Variants in TCERG1 observed in about 807,000 individuals in gnomAD.
TCERG1 encodes the protein transcription elongation regulator 1.
A neutral mutation model predicts 144.7 loss-of-function variants in TCERG1; 37 were observed. The observed-to-expected ratio is 0.26, with a 90% CI of 0.20 to 0.34. The LOEUF (loss-of-function observed/expected upper bound fraction) is 0.34. Among genes scored for constraint, TCERG1 ranks in the 10% least tolerant of loss-of-function variants. The pLI is 1.00. For missense variants in TCERG1, 1,027 were observed against 1,380.7 expected (o/e 0.74, Z 4.06); for synonymous variants, 492 against 458.2 (o/e 1.07, Z -0.94).
chr5:146,501,875 ACATCAACT>A (rs1252302023), intron 17 of TCERG1, among the ~76,000 whole-genome samples: 1 of 150,498 alleles, frequency 6.6e-6, no homozygotes, highest in Non-Finnish European at 1.5e-5. Flanking sequence ...TCCAGAAAGA[ACATCAACT>A]TCACTTTTTT....
chr5:146,451,418 G>A (rs1762331355), intron 1 of TCERG1, among the ~76,000 whole-genome samples: 2 of 151,052 alleles, frequency 1.3e-5, no homozygotes, highest in South Asian at 4.2e-4. Flanking sequence ...CACCTGTCAG[G>A]TTCCTCCTGT....
chr5:146,510,075 G>A, intron 22 of TCERG1: 1 of 1,293,820 alleles, frequency 7.7e-7, no homozygotes, highest in Non-Finnish European at 1.0e-6. Flanking sequence ...AGTTAATTTA[G>A]TGAAAGATGT....
intron 16 of TCERG1, among the ~76,000 whole-genome samples, chr5:146,497,409 C>T (rs6868300): frequency 0.52 from 79,758 of 151,986 alleles, 22,807 homozygotes; most frequent in Non-Finnish European, 0.63. Context: ...GCCCTCCTGA[C>T]GTGCTGGGAT....
At chr5:146,497,526 A>G (rs1456743404) in intron 16 of TCERG1, among the ~76,000 whole-genome samples, 2 of 152,050 alleles carry the variant, frequency 1.3e-5, no homozygotes, top group Non-Finnish European at 2.9e-5. Context: ...GACTTCAAAA[A>G]ATTTTTTCTA....
Position 146,469,630 on chromosome 5 carries a change from G to T in TCERG1, c.1285G>T (p.Ala429Ser), listed in dbSNP as rs1400165571. Reference sequence around the variant, plus strand: ...AGCTTCACCTGCTACCTTAGCTGGAGCAACAGCAGTTTCTGAATGGACTGA... The same window carrying T: ...AGCTTCACCTGCTACCTTAGCTGGATCAACAGCAGTTTCTGAATGGACTGA... ...IAASPATLAG[A>S]TAVSEWTEYK... Residue 429 changes from alanine to serine, a missense_variant, in exon 7 of 23, where the codon GCA becomes TCA. Physicochemically the swap from Ala to Ser is moderately conservative, Grantham distance 99 (BLOSUM62 1). Coordinates refer to ENST00000679501, the MANE Select transcript of TCERG1 (RefSeq NM_001382548.1). 6.2e-7 allele frequency: 1 copy of T among 1,613,492 alleles called. No individual in the cohort carries two copies. The highest frequency in any genetic ancestry group is 1.3e-5 in the African/African-American group (1 of 74,914).
At chr5:146,487,593 GGTGTGGT>G (rs765717248) in intron 15 of TCERG1, among the ~76,000 whole-genome samples, 22 of 152,120 alleles carry the variant, frequency 1.4e-4, no homozygotes, top group Non-Finnish European at 2.8e-4. Context: ...GAACTAGCCA[GGTGTGGT>G]GTCGTGCACC....
Position 146,463,570 on chromosome 5 carries a change from G to T in TCERG1, c.912G>T (p.Gln304His). The change falls in exon 5 of 23, where the codon CAG becomes CAT. Residue 304 changes from glutamine (Q) to histidine (H), a missense_variant. This residue lies in a region of TCERG1 where 187 missense variants were observed against 169.1 expected (regional missense o/e 1.11). Coordinates refer to ENST00000679501, the MANE Select transcript of TCERG1 (RefSeq NM_001382548.1). ...QTVSTPTTQD[Q>H]TPSSAVSVAT... is the part of the protein sequence containing the mutation. ...TATCAGCACCCACAACACAAGATCA[G>T]ACCCCAAGTTCTGCTGTTTCAGTTG... The T allele has an allele frequency of 1.2e-6, 2 of 1,614,166 alleles. No individual in the cohort carries two copies. Among genetic ancestry groups the T allele is most frequent in the South Asian group, 2.2e-5 (2 of 91,074 alleles).
rs774616410 is a variant in TCERG1, at chr5:146,447,405, T to C, written c.56T>C (p.Leu19Pro). 1 of 1,610,946 alleles carries C rather than the reference T, an allele frequency of 6.2e-7. No homozygotes were observed. Among genetic ancestry groups the C allele is most frequent in the Non-Finnish European group, 8.5e-7 (1 of 1,178,852 alleles). The change falls in exon 1 of 23, where the codon CTC (leucine) becomes CCC (proline). Residue 19 changes from leucine to proline, a missense_variant. Around this residue, in one of 6 missense-constraint regions of TCERG1, gnomAD observed 175 missense variants for 197.0 expected, o/e 0.89. Transcript: ENST00000679501. ...GESERFNPGE[L>P]RMAQQQALRF... The stretch of plus-strand genomic sequence containing the variant: ...AGTGAACGATTCAACCCGGGGGAGC[T>C]CAGGTAAGGAACGCTGCCCTCCTTC...
At chr5:146,495,000 A>G (rs996554002) in intron 16 of TCERG1, among the ~76,000 whole-genome samples, 2 of 152,192 alleles carry the variant, frequency 1.3e-5, no homozygotes, top group Non-Finnish European at 2.9e-5. Flanking sequence ...TCTAATGCTA[A>G]AAGTTCACTT....
At chr5:146,471,844 G>A (rs566255476) in intron 9 of TCERG1, among the ~76,000 whole-genome samples, 52 of 152,186 alleles carry the variant, frequency 3.4e-4, no homozygotes, top group African/African-American at 5.5e-4. Flanking sequence ...TGATCCGCCC[G>A]CCTCGGCCTC....
chr5:146,505,831 C>A (rs1027820764), intron 19 of TCERG1, among the ~76,000 whole-genome samples: 1 of 152,112 alleles, frequency 6.6e-6, no homozygotes, highest in African/African-American at 2.4e-5. Context: ...AGCTGGAGTG[C>A]AGTGGCATGA....
intron 17 of TCERG1, among the ~76,000 whole-genome samples, chr5:146,502,786 T>C (rs1767609090): frequency 6.6e-6 from 1 of 152,212 alleles, no homozygotes; most frequent in Non-Finnish European, 1.5e-5. Flanking sequence ...CTTTCTCACA[T>C]ATCAAGGTGT....
intron 15 of TCERG1, among the ~76,000 whole-genome samples, chr5:146,484,122 A>G (rs1765606481): frequency 6.6e-6 from 1 of 152,130 alleles, no homozygotes; most frequent in African/African-American, 2.4e-5. Context: ...TGTCCTGTAG[A>G]TAGTACTTGA....
At chr5:146,480,209 C>T in intron 12 of TCERG1, 115 bp downstream of exon 12, 2 of 712,574 alleles carry the variant, frequency 2.8e-6, no homozygotes, top group Non-Finnish European at 4.7e-6. Context: ...GGCATGATTG[C>T]TCTCTTAGGC....
chr5:146,480,735 T>G (rs1409998831), intron 12 of TCERG1, among the ~76,000 whole-genome samples: 1 of 152,114 alleles, frequency 6.6e-6, no homozygotes, highest in Non-Finnish European at 1.5e-5. Flanking sequence ...TTGTAGTCCT[T>G]ATCTGAAAAG....
intron 2 of TCERG1, among the ~76,000 whole-genome samples, chr5:146,456,324 A>T (rs1212840695): frequency 1.3e-5 from 2 of 152,168 alleles, no homozygotes; most frequent in African/African-American, 2.4e-5. Context: ...CTAATTTGTG[A>T]CTTTAAGAGT....
At chr5:146,472,298 T>G (rs1764388629) in intron 9 of TCERG1, among the ~76,000 whole-genome samples, 1 of 152,178 alleles carries the variant, frequency 6.6e-6, no homozygotes, top group South Asian at 2.1e-4. Flanking sequence ...TTTTAAAAAT[T>G]GAAAGTTTTG....
At chr5:146,462,511 A>G (rs1303001408) in intron 4 of TCERG1, among the ~76,000 whole-genome samples, 5 of 152,196 alleles carry the variant, frequency 3.3e-5, no homozygotes, top group African/African-American at 9.6e-5. Context: ...TTTAAATGCA[A>G]TTACTAGGAA....
chr5:146,459,462 A>G (rs977386260), intron 4 of TCERG1, 125 bp downstream of exon 4: 78 of 1,477,240 alleles, frequency 5.3e-5, no homozygotes, highest in Non-Finnish European at 6.9e-5. Flanking sequence ...TTTAAAATAC[A>G]TTTTTGACAC....
Sources: gnomAD v4.1 joint callset for allele counts (sites outside exome capture counted in the v4.1 genomes callset) on GRCh38, gnomAD v4.1.1 for gene constraint, gnomAD v4.1.1 regional missense constraint, MANE v1.5 for transcripts, NCBI Gene and HGNC (gene_info 2026-07-23, HGNC 2026-07-21) for gene names.